Variants in GC observed in about 807,000 individuals in gnomAD.
The protein encoded by GC is vitamin D-binding protein.
In GC, 43 loss-of-function variants were observed where a neutral mutation model predicts 56.7. The observed-to-expected ratio is 0.76, with a 90% CI of 0.59 to 0.98. The LOEUF (loss-of-function observed/expected upper bound fraction) is 0.98. GC is among the 50% of genes least tolerant of loss of function. The probability of loss-of-function intolerance (pLI) is 0.00; values close to 1 mark genes in which losing one functional copy is unlikely to be tolerated. For missense variants in GC, 529 were observed against 545.9 expected (o/e 0.97, Z 0.31); for synonymous variants, 216 against 202.7 (o/e 1.07, Z -0.56).
At position 71,783,992 on chromosome 4, in the gene GC, A is replaced by G. The variant is rs1742766733; in HGVS notation, c.27T>C (p.Leu9=). The change falls in exon 1 of 13, where the codon CTT becomes CTC. Residue 9 remains leucine, a synonymous_variant. Coordinates refer to ENST00000273951, the MANE Select transcript of GC (RefSeq NM_000583.4). MKRVLVLL[L]AVAFGHALER... ...CTAAAGCATGTCCAAATGCCACAGC[A>G]AGCAGTAGTACCAGGACCCTCTTCA... is the stretch of plus-strand genomic sequence containing the variant. 2 of 1,602,790 alleles carry G rather than the reference A, an allele frequency of 1.2e-6. No homozygotes were observed. The highest frequency in any genetic ancestry group is 1.3e-5 in the African/African-American group (1 of 74,550).
chr4:71,793,126 AT>A (rs1293761243), intron 1 of GC, among the ~76,000 whole-genome samples: 2 of 152,082 alleles, frequency 1.3e-5, no homozygotes, highest in Non-Finnish European at 2.9e-5. Flanking sequence ...TTTGCTTAGG[AT>A]TGTCTTGGCA....
chr4:71,763,047 C>A (rs866425955), intron 6 of GC, among the ~76,000 whole-genome samples: 1 of 152,070 alleles, frequency 6.6e-6, no homozygotes, highest in African/African-American at 2.4e-5. Context: ...TTGGGCAAGG[C>A]AAATAATAGG....
Position 71,756,724 on chromosome 4 carries a change from T to A in GC, c.1022A>T (p.Lys341Ile). The change falls in exon 8 of 13, where the codon AAA becomes ATA. Residue 341 changes from lysine to isoleucine, a missense_variant. Transcript: ENST00000273951. ...CACCTCTACTTACTTATCCATGACTTTGGTGTTTCCTGGATCACACACATC... is the reference window on the plus strand; with the variant it reads ...CACCTCTACTTACTTATCCATGACTATGGTGTTTCCTGGATCACACACATC... Reference protein sequence around the residue: ...NKDVCDPGNTKVMDKYTFELS... With the variant: ...NKDVCDPGNTIVMDKYTFELS... 6.2e-7 allele frequency: 1 copy of A among 1,609,856 alleles called. No homozygotes were observed. The highest frequency in any genetic ancestry group is 8.5e-7 in the Non-Finnish European group (1 of 1,176,208).
intron 3 of GC, among the ~76,000 whole-genome samples, chr4:71,767,528 T>C (rs1412343956): frequency 6.6e-6 from 1 of 151,670 alleles, no homozygotes; most frequent in Non-Finnish European, 1.5e-5. Flanking sequence ...CCTGGCATGA[T>C]GATAAAAGAG....
At chr4:71,804,989 C>G (rs1214730230), upstream of GC, among the ~76,000 whole-genome samples, 1 of 152,042 alleles carries the variant, frequency 6.6e-6, no homozygotes, top group African/African-American at 2.4e-5. Context: ...TCTTCTGAGT[C>G]GAGTGGGGCC....
At chr4:71,744,286 CA>C (rs748337307) in intron 12 of GC, among the ~76,000 whole-genome samples, 3,240 of 83,562 alleles carry the variant, frequency 0.039, 130 homozygotes, top group African/African-American at 0.1. Flanking sequence ...ACTAAAAATA[CA>C]AAAAAAAAAA....
At chr4:71,769,570 A>C (rs1001623313) in intron 1 of GC, 170 bp from the exon 2 acceptor site, 7 of 560,242 alleles carry the variant, frequency 1.2e-5, no homozygotes, top group Non-Finnish European at 2.2e-5. Context: ...CTCTCATAAC[A>C]GGCCACAATT....
At chr4:71,765,949 C>T (rs1381415958) in intron 3 of GC, among the ~76,000 whole-genome samples, 1 of 152,158 alleles carries the variant, frequency 6.6e-6, no homozygotes. Context: ...TAGTGTTCCT[C>T]CGTGGGGATA....
At chr4:71,758,469 G>A (rs573445895) in intron 6 of GC, among the ~76,000 whole-genome samples, 62 of 152,272 alleles carry the variant, frequency 4.1e-4, no homozygotes, top group African/African-American at 1.4e-3. Flanking sequence ...CAATGAAGAA[G>A]TCACAAATGT....
At chr4:71,754,284 T>C in intron 10 of GC, 127 bp downstream of exon 10, 1 of 600,622 alleles carries the variant, frequency 1.7e-6, no homozygotes, top group East Asian at 2.8e-5. Context: ...AAAAAACTCC[T>C]AATTGAACCT....
In GC at chr4:71,784,055, C is replaced by T. The variant is rs1309966994; in HGVS notation, c.-37G>A. On this transcript the variant is annotated 5_prime_UTR_variant, in exon 1 of 13. Transcript: ENST00000273951. ...AGAGTCTTGCAGCACCTCCTCTCTC[C>T]TGTAGGTGACCATGTAAAAGTGGTA... 6.3e-7 allele frequency: 1 copy of T among 1,585,728 alleles called. No individual in the cohort carries two copies.
intron 1 of GC, among the ~76,000 whole-genome samples, chr4:71,793,450 GCT>G (rs1240098226): frequency 2.0e-5 from 3 of 152,080 alleles, no homozygotes; most frequent in Non-Finnish European, 4.4e-5. Context: ...TCATGATTTG[GCT>G]CTCTGTTTAT....
Position 71,783,891 on chromosome 4 carries a change from T to G in GC, c.58+70A>C, listed in dbSNP as rs560100405. 1.0e-5 allele frequency: 12 copies of G among 1,189,772 alleles called. No individual in the cohort carries two copies. In the South Asian group the frequency reaches 2.0e-4, roughly 20 times the overall value. The allele number at this position is 1,189,772 out of a possible 1,614,324, so 73.7% of individuals were successfully genotyped here. ...TTCTGTTTCTTACTTTTTATTTCAT[T>G]TTTTAAGTGATAATATAAAATTAAA... is the stretch of plus-strand genomic sequence containing the variant. On this transcript the variant is annotated intron_variant, in intron 1 of 12. Coordinates refer to ENST00000273951, the MANE Select transcript of GC (RefSeq NM_000583.4).
chr4:71,784,067 A>C lies in GC; in HGVS notation c.-49T>G. 1 of 1,564,304 alleles carries C rather than the reference A, an allele frequency of 6.4e-7. No homozygotes were observed. Among genetic ancestry groups the C allele is most frequent in the South Asian group, 1.2e-5 (1 of 81,188 alleles). On this transcript the variant is annotated 5_prime_UTR_variant, in exon 1 of 13. An upstream start codon of the reference 5' UTR is lost. Coordinates refer to ENST00000273951, the MANE Select transcript of GC (RefSeq NM_000583.4). ...CACCTCCTCTCTCCTGTAGGTGACCATGTAAAAGTGGTAGCCAAAAGTAAT... is the reference window on the plus strand; with the variant it reads ...CACCTCCTCTCTCCTGTAGGTGACCCTGTAAAAGTGGTAGCCAAAAGTAAT...
rs184930321 is a variant in GC, at chr4:71,781,510, T to A, written c.58+2451A>T. Among the ~76,000 whole-genome samples the A allele has an allele frequency of 7.4e-4, 113 of 151,964 alleles. 1 individual carries two copies. In the East Asian group the frequency reaches 0.021, roughly 28 times the overall value. On this transcript the variant is annotated intron_variant, in intron 1 of 12. Transcript: ENST00000273951. ...GAATTTTTTTGCTGTAGTTTAATTT[T>A]AAAAAATCAATTTTTATAAATGTTT...
intron 11 of GC, 77 bp from the exon 12 acceptor site, chr4:71,746,282 CA>C: frequency 1.5e-6 from 1 of 672,414 alleles, no homozygotes; most frequent in Non-Finnish European, 2.6e-6. Flanking sequence ...AGAAGGTATA[CA>C]AAATCTTGAA....
At chr4:71,774,699 A>G (rs1742451639) in intron 1 of GC, among the ~76,000 whole-genome samples, 1 of 151,966 alleles carries the variant, frequency 6.6e-6, no homozygotes, top group South Asian at 2.1e-4. Flanking sequence ...TTTGACATGT[A>G]TTACTTGCTT....
upstream of GC, among the ~76,000 whole-genome samples, chr4:71,787,122 G>A (rs1009313936): frequency 6.6e-6 from 1 of 151,854 alleles, no homozygotes; most frequent in African/African-American, 2.4e-5. Context: ...GCAATGAAAA[G>A]CATTCTAACT....
rs111609039 is a variant in GC, at chr4:71,792,213, C to T, written c.22-8159G>A. Among the ~76,000 whole-genome samples, 26 of 152,214 alleles carry T rather than the reference C, an allele frequency of 1.7e-4. 2 individuals carry two copies. Among genetic ancestry groups the T allele is most frequent in the African/African-American group, 6.3e-4 (26 of 41,532 alleles). On this transcript the variant is annotated intron_variant, in intron 1 of 13. Transcript: ENST00000504199. ...GGATGGCTGAGTCAAATGGTATTTC[C>T]AGTTCTAGATCCTTGAGGAATCGTC...
Sources: gnomAD v4.1 joint callset for allele counts (sites outside exome capture counted in the v4.1 genomes callset) on GRCh38, gnomAD v4.1.1 for gene constraint, MANE v1.5 for transcripts, NCBI Gene and HGNC (gene_info 2026-07-23, HGNC 2026-07-21) for gene names.